The following RNF111 variants were observed in gnomAD, a reference collection of about 807,000 sequenced individuals.
RNF111 encodes ring finger protein 111, also known as E3 ubiquitin-protein ligase Arkadia.
A neutral mutation model predicts 95.1 loss-of-function variants in RNF111; 17 were observed. That is an observed-to-expected ratio of 0.18 (90% CI 0.12 to 0.27). The LOEUF (loss-of-function observed/expected upper bound fraction) is 0.27. RNF111 is among the 10% of genes least tolerant of loss of function. The probability of loss-of-function intolerance (pLI) is 1.00; values close to 1 mark genes in which losing one functional copy is unlikely to be tolerated. For missense variants in RNF111, 1,189 were observed against 1,210.4 expected (o/e 0.98, Z 0.26); for synonymous variants, 440 against 414.8 (o/e 1.06, Z -0.74).
intron 7 of RNF111, among the ~76,000 whole-genome samples, chr15:59,079,404 G>C (rs2078670007): frequency 6.6e-6 from 1 of 152,108 alleles, no homozygotes; most frequent in Admixed American, 6.5e-5. Context: ...TTAGAAAATT[G>C]GTTTAAAAAT....
rs117259272 is a variant in RNF111 at position 59,072,117 on chromosome 15, C to T, written c.1687-3837C>T. On this transcript the variant is annotated intron_variant, in intron 6 of 13. Coordinates refer to ENST00000348370, the MANE Select transcript of RNF111 (RefSeq NM_017610.8). ...TAAAAATGCCAGCAATCCTCTGAGA[C>T]TTCAGCAAATTGTAAACTTTTTGCT... Among the ~76,000 whole-genome samples the T allele has an allele frequency of 4.9e-3, 747 of 152,296 alleles. 5 individuals are homozygous for T. Among genetic ancestry groups the T allele is most frequent in the Non-Finnish European group, 6.9e-3 (472 of 68,022 alleles).
In RNF111 at chr15:59,085,741, C is replaced by T. The variant is rs181181625; in HGVS notation, c.2506C>T (p.Pro836Ser). Reference protein sequence around the residue: ...LHPHLAHYHAPPRLHHLQLGA... With the variant: ...LHPHLAHYHASPRLHHLQLGA... ...TCCTCACTTGGCCCATTATCACGCA[C>T]CTCCTCGACTTCATCACTTACAATT... The change falls in exon 10 of 14, where the codon CCT becomes TCT. Residue 836 changes from proline to serine, a missense_variant. This residue lies in a region of RNF111 where 165 missense variants were observed against 284.6 expected (regional missense o/e 0.58). Transcript: ENST00000348370. 6.4e-4 allele frequency: 1,029 copies of T among 1,613,530 alleles called. 5 individuals carry two copies. The highest frequency in any genetic ancestry group is 1.4e-4 in the Non-Finnish European group (169 of 1,179,672).
chr15:59,031,933 A>G (rs942001982), intron 2 of RNF111, among the ~76,000 whole-genome samples: 5 of 151,996 alleles, frequency 3.3e-5, no homozygotes, highest in African/African-American at 1.2e-4. Flanking sequence ...TGGGAGAATA[A>G]CCCTTCATTA....
chr15:59,055,634 A>G (rs992929628), intron 3 of RNF111, 48 bp from the exon 4 acceptor site: 2 of 1,386,184 alleles, frequency 1.4e-6, no homozygotes, highest in Non-Finnish European at 1.9e-6. Context: ...TGTGGTGACT[A>G]AAAATTCTTT....
intron 2 of RNF111, among the ~76,000 whole-genome samples, chr15:59,037,974 G>C (rs1336672092): frequency 6.6e-6 from 1 of 152,148 alleles, no homozygotes; most frequent in Non-Finnish European, 1.5e-5. Context: ...TGTCTATCTT[G>C]CTTTGAAATA....
intron 1 of RNF111, among the ~76,000 whole-genome samples, chr15:59,014,208 C>A (rs1412792206): frequency 2.6e-5 from 4 of 152,132 alleles, no homozygotes; most frequent in African/African-American, 9.7e-5. Flanking sequence ...GTTTGACATG[C>A]CCCTATTCTT....
intron 5 of RNF111, among the ~76,000 whole-genome samples, chr15:59,061,238 A>G (rs1460993800): frequency 2.6e-5 from 4 of 152,222 alleles, no homozygotes; most frequent in African/African-American, 9.6e-5. Flanking sequence ...ACAGTCCTAA[A>G]TGGGCCTCTC....
intron 5 of RNF111, among the ~76,000 whole-genome samples, chr15:59,064,127 C>T (rs577347127): frequency 6.6e-6 from 1 of 152,232 alleles, no homozygotes; most frequent in East Asian, 1.9e-4. Flanking sequence ...ATGGTCAGTT[C>T]CTGATATGCT....
At chr15:59,008,593 A>C (rs2039648623) in intron 1 of RNF111, among the ~76,000 whole-genome samples, 1 of 152,166 alleles carries the variant, frequency 6.6e-6, no homozygotes, top group Admixed American at 6.5e-5. Context: ...TTGATGATAT[A>C]TTTAAGTCTG....
intron 6 of RNF111, among the ~76,000 whole-genome samples, chr15:59,073,438 A>C (rs2043028342): frequency 6.6e-6 from 1 of 151,838 alleles, no homozygotes; most frequent in South Asian, 2.1e-4. Context: ...CCAAGATTGC[A>C]CTACTGCACA....
At chr15:59,074,249 C>G (rs2043067416) in intron 6 of RNF111, among the ~76,000 whole-genome samples, 1 of 152,196 alleles carries the variant, frequency 6.6e-6, no homozygotes, top group African/African-American at 2.4e-5. Context: ...TCACTAGCTA[C>G]ATTAGACCCT....
At chr15:59,092,305 T>G (rs568189683) in intron 12 of RNF111, among the ~76,000 whole-genome samples, 17 of 152,352 alleles carry the variant, frequency 1.1e-4, no homozygotes, top group African/African-American at 4.1e-4. Context: ...AATGAATTTC[T>G]GTTAAATTTG....
At chr15:59,079,690 A>G (rs1481439369) in intron 7 of RNF111, among the ~76,000 whole-genome samples, 2 of 151,684 alleles carry the variant, frequency 1.3e-5, no homozygotes, top group Non-Finnish European at 2.9e-5. Context: ...GTAGATGCAC[A>G]TCTCTAAGAG....
chr15:58,991,156 G>T (rs1221472692), intron 1 of RNF111, among the ~76,000 whole-genome samples: 1 of 151,984 alleles, frequency 6.6e-6, no homozygotes, highest in Non-Finnish European at 1.5e-5. Context: ...AATTAGCTGG[G>T]CATGGTGGTG....
At chr15:59,037,731 G>C (rs1442485492) in intron 2 of RNF111, among the ~76,000 whole-genome samples, 30 of 152,182 alleles carry the variant, frequency 2.0e-4, no homozygotes, top group African/African-American at 7.2e-4. Flanking sequence ...AGCTACTTGG[G>C]AGGCTGAGGC....
intron 5 of RNF111, among the ~76,000 whole-genome samples, chr15:59,065,476 G>C (rs1013532693): frequency 6.6e-6 from 1 of 152,172 alleles, no homozygotes; most frequent in South Asian, 2.1e-4. Flanking sequence ...AACCATGCAA[G>C]GCAATTTTAT....
intron 1 of RNF111, among the ~76,000 whole-genome samples, chr15:58,997,961 G>C (rs1366513770): frequency 1.3e-5 from 2 of 151,696 alleles, no homozygotes; most frequent in Non-Finnish European, 2.9e-5. Context: ...CTGGAGTGCA[G>C]TGGGGCGATC....
intron 1 of RNF111, among the ~76,000 whole-genome samples, chr15:59,008,448 G>C (rs145756052): frequency 1.4e-3 from 212 of 152,230 alleles, no homozygotes; most frequent in African/African-American, 4.5e-3. Context: ...CGACTCCTGA[G>C]CTCAAGCAAT....
chr15:59,077,308 C>T (rs188787731), intron 7 of RNF111, among the ~76,000 whole-genome samples: 1 of 152,248 alleles, frequency 6.6e-6, no homozygotes, highest in East Asian at 1.9e-4. Context: ...AAGTTCATTC[C>T]TTTCAAAATG....
Sources: gnomAD v4.1 joint callset for allele counts (sites outside exome capture counted in the v4.1 genomes callset) on GRCh38, gnomAD v4.1.1 for gene constraint, gnomAD v4.1.1 regional missense constraint, MANE v1.5 for transcripts, NCBI Gene and HGNC (gene_info 2026-07-23, HGNC 2026-07-21) for gene names.